Variants in TNRC6B observed in about 807,000 individuals in gnomAD.
TNRC6B encodes trinucleotide repeat-containing gene 6B protein.
In TNRC6B, 52 loss-of-function variants were observed where a neutral mutation model predicts 203.6. That is an observed-to-expected ratio of 0.26 (90% CI 0.20 to 0.32). The LOEUF is 0.32. TNRC6B is among the 10% of genes least tolerant of loss of function. The pLI is 1.00. For synonymous variants in TNRC6B, 838 were observed against 845.7 expected, an observed-to-expected ratio of 0.99 and a Z score of 0.16; for missense variants, 1,923 against 2,286.2, an observed-to-expected ratio of 0.84 and a Z score of 3.24.
chr22:40,255,855 T>C (rs139699441), intron 3 of TNRC6B, among the ~76,000 whole-genome samples: 2 of 71,996 alleles, frequency 2.8e-5, no homozygotes, highest in African/African-American at 3.8e-5. Flanking sequence ...TGTTTGTTTG[T>C]TTGTTTGTTT....
chr22:40,255,168 T>TA (rs1457781049), intron 3 of TNRC6B, among the ~76,000 whole-genome samples: 2 of 152,230 alleles, frequency 1.3e-5, no homozygotes, highest in Non-Finnish European at 2.9e-5. Context: ...CCTTGGTAAT[T>TA]ATCTGTCAGA....
chr22:40,125,176 C>A (rs2068478992), intron 2 of TNRC6B, among the ~76,000 whole-genome samples: 1 of 152,100 alleles, frequency 6.6e-6, no homozygotes, highest in East Asian at 1.9e-4. Flanking sequence ...TTACTTTTTA[C>A]TGTCTTGCCC....
chr22:40,311,640 C>G (rs1178618936), intron 17 of TNRC6B, among the ~76,000 whole-genome samples: 1 of 151,746 alleles, frequency 6.6e-6, no homozygotes, highest in Non-Finnish European at 1.5e-5. Flanking sequence ...CTCCCAGGTT[C>G]AAGCGATTCT....
chr22:40,275,822 G>T (rs1227780708), intron 7 of TNRC6B, among the ~76,000 whole-genome samples: 1 of 152,090 alleles, frequency 6.6e-6, no homozygotes, highest in East Asian at 1.9e-4. Flanking sequence ...AGCTGGGTGT[G>T]GTGGCAGGCA....
At chr22:40,207,419 AT>A (rs1215908202) in intron 1 of TNRC6B, among the ~76,000 whole-genome samples, 2,739 of 71,564 alleles carry the variant, frequency 0.038, 71 homozygotes, top group African/African-American at 0.18. Flanking sequence ...AAAAAAAAAA[AT>A]ATATATATAT....
At chr22:40,300,740 T>C in intron 13 of TNRC6B, 154 bp downstream of exon 13, 1 of 1,243,036 alleles carries the variant, frequency 8.0e-7, no homozygotes. Context: ...TTAAGGGTTG[T>C]CAGCTCAACT....
chr22:40,267,094 C>T (rs2070493171), intron 5 of TNRC6B, 58 bp downstream of exon 5: 1 of 1,434,680 alleles, frequency 7.0e-7, no homozygotes, highest in Non-Finnish European at 9.2e-7. Flanking sequence ...TAGACCAAGG[C>T]ATTTTTATTA....
chr22:40,058,435 A>T (rs1014457571), intron 1 of TNRC6B, among the ~76,000 whole-genome samples: 9 of 127,866 alleles, frequency 7.0e-5, no homozygotes, highest in African/African-American at 2.2e-4. Context: ...ACAATGTGAC[A>T]CAATGTGCTT....
At chr22:40,227,825 T>C (rs1425027410) in intron 1 of TNRC6B, among the ~76,000 whole-genome samples, 1 of 152,212 alleles carries the variant, frequency 6.6e-6, no homozygotes, top group East Asian at 1.9e-4. Context: ...GGAAAACACC[T>C]GAATGTTTAG....
At chr22:40,275,884 A>T (rs765444462) in intron 7 of TNRC6B, among the ~76,000 whole-genome samples, 1 of 150,472 alleles carries the variant, frequency 6.6e-6, no homozygotes, top group Non-Finnish European at 1.5e-5. Context: ...GCTTGAACCC[A>T]GGAGGTAGAG....
intron 1 of TNRC6B, among the ~76,000 whole-genome samples, chr22:40,239,726 C>G (rs2070001412): frequency 6.6e-6 from 1 of 152,214 alleles, no homozygotes; most frequent in Admixed American, 6.5e-5. Context: ...GTAGCCGGTT[C>G]CTAGGGATCT....
exon 3 of TNRC6B, chr22:40,125,821 C>A (rs759364920): frequency 1.2e-6 from 2 of 1,611,914 alleles, no homozygotes; most frequent in East Asian, 2.2e-5. Flanking sequence ...TGTTCCCATG[C>A]AAACCAATGA....
intron 1 of TNRC6B, among the ~76,000 whole-genome samples, chr22:40,233,432 G>A (rs2069906291): frequency 6.6e-6 from 1 of 151,954 alleles, no homozygotes; most frequent in African/African-American, 2.4e-5. Context: ...GACCATCCTG[G>A]CCAACATGGC....
intron 1 of TNRC6B, among the ~76,000 whole-genome samples, chr22:40,195,024 G>A (rs1201709032): frequency 6.6e-6 from 1 of 152,184 alleles, no homozygotes; most frequent in Non-Finnish European, 1.5e-5. Flanking sequence ...AGGCCTTTTG[G>A]AAGCGCAGAG....
chr22:40,273,332 A>C, intron 6 of TNRC6B, 93 bp from the exon 7 acceptor site: 3 of 1,213,188 alleles, frequency 2.5e-6, no homozygotes, highest in Non-Finnish European at 3.3e-6. Flanking sequence ...TAAAATTACA[A>C]AGACACGTAA....
chr22:40,291,034 A>T (rs1327727402), intron 12 of TNRC6B, among the ~76,000 whole-genome samples: 1 of 152,156 alleles, frequency 6.6e-6, no homozygotes, highest in African/African-American at 2.4e-5. Flanking sequence ...ATATTGGATT[A>T]TTCTGTCTTT....
At chr22:40,317,439 G>A (rs569273062) in intron 21 of TNRC6B, among the ~76,000 whole-genome samples, 2 of 152,278 alleles carry the variant, frequency 1.3e-5, no homozygotes, top group South Asian at 2.1e-4. Context: ...TTAGCTGGGC[G>A]TAGTGGCACA....
chr22:40,195,517 C>T (rs2069325827), intron 1 of TNRC6B, among the ~76,000 whole-genome samples: 1 of 152,110 alleles, frequency 6.6e-6, no homozygotes, highest in Non-Finnish European at 1.5e-5. Flanking sequence ...GGCTGGAGTG[C>T]AATGGCACGA....
intron 1 of TNRC6B, among the ~76,000 whole-genome samples, chr22:40,045,304 CG>C (rs2067677684): frequency 6.9e-6 from 1 of 145,686 alleles, no homozygotes; most frequent in African/African-American, 2.5e-5. Context: ...CGACGTCCGG[CG>C]CGCGGGCCGG....
Sources: gnomAD v4.1 joint callset for allele counts (sites outside exome capture counted in the v4.1 genomes callset) on GRCh38, gnomAD v4.1.1 for gene constraint, MANE v1.5 for transcripts, NCBI Gene and HGNC (gene_info 2026-07-23, HGNC 2026-07-21) for gene names.